The following NMU variants were observed in gnomAD, a reference collection of about 807,000 sequenced individuals.
The protein encoded by NMU is neuromedin U.
Under a neutral mutation model 35.4 loss-of-function variants are expected in NMU, and 29 were observed. That is an observed-to-expected ratio of 0.82 (90% CI 0.61 to 1.12). NMU has a LOEUF of 1.12. Ranked by LOEUF, NMU falls within the 50% of genes most tolerant of loss-of-function variation. NMU has a pLI of 0.00. For missense variants in NMU, 199 were observed against 206.2 expected (o/e 0.97, Z 0.21); for synonymous variants, 78 against 81.3 (o/e 0.96, Z 0.22).
intron 3 of NMU, among the ~76,000 whole-genome samples, chr4:55,615,578 G>A (rs1428273442): frequency 6.6e-6 from 1 of 152,168 alleles, no homozygotes; most frequent in Non-Finnish European, 1.5e-5. Context: ...ACTCAATTGG[G>A]AGATAGGATA....
At chr4:55,627,616 C>T (rs770477726) in intron 2 of NMU, among the ~76,000 whole-genome samples, 5 of 152,224 alleles carry the variant, frequency 3.3e-5, no homozygotes, top group East Asian at 3.9e-4. Context: ...TTTCTAAATA[C>T]TTACAGATTT....
intron 8 of NMU, among the ~76,000 whole-genome samples, chr4:55,600,272 G>C (rs981439197): frequency 6.6e-6 from 1 of 152,086 alleles, no homozygotes; most frequent in African/African-American, 2.4e-5. Context: ...TGGAATTAAA[G>C]TGTCAAATAG....
chr4:55,606,188 C>A lies in NMU; in HGVS notation c.361-839G>T, dbSNP rs80069534. Among the ~76,000 whole-genome samples, 838 of 152,272 alleles carry A rather than the reference C, an allele frequency of 5.5e-3. 12 individuals carry two copies. Among genetic ancestry groups the A allele is most frequent in the African/African-American group, 0.019 (796 of 41,550 alleles). On this transcript the variant is annotated intron_variant, in intron 6 of 9. Coordinates refer to ENST00000264218, the MANE Select transcript of NMU (RefSeq NM_006681.4). ...TGAGTTTAAGATTATAGTTACCTTT[C>A]CATAGGTATATATCTGTTTAAAATA...
intron 2 of NMU, among the ~76,000 whole-genome samples, chr4:55,626,564 G>T (rs569330644): frequency 7.8e-4 from 119 of 152,168 alleles, no homozygotes; most frequent in Middle Eastern, 3.4e-3. Context: ...AAAATTAGCC[G>T]GCCGTGGTGG....
At chr4:55,615,356 T>C (rs1734073693) in intron 3 of NMU, among the ~76,000 whole-genome samples, 1 of 152,228 alleles carries the variant, frequency 6.6e-6, no homozygotes, top group Admixed American at 6.5e-5. Flanking sequence ...CTGTTCTTGC[T>C]TGGTCTCTGC....
chr4:55,596,802 A>G (rs529690581), intron 9 of NMU, among the ~76,000 whole-genome samples: 7 of 152,310 alleles, frequency 4.6e-5, no homozygotes, highest in African/African-American at 1.2e-4. Context: ...ACTACATTAA[A>G]TAAGAAATTA....
chr4:55,596,889 A>C (rs995806412), intron 9 of NMU, among the ~76,000 whole-genome samples: 3 of 152,220 alleles, frequency 2.0e-5, no homozygotes, highest in Non-Finnish European at 4.4e-5. Context: ...CTACTGTACT[A>C]ACTTGGTTTG....
intron 4 of NMU, among the ~76,000 whole-genome samples, 183 bp downstream of exon 4, chr4:55,608,937 A>G (rs1028722750): frequency 6.6e-6 from 1 of 152,218 alleles, no homozygotes; most frequent in African/African-American, 2.4e-5. Flanking sequence ...TGTAAGCTCC[A>G]TTAATATGAT....
At chr4:55,629,333 T>C (rs1734667226) in intron 2 of NMU, among the ~76,000 whole-genome samples, 1 of 151,772 alleles carries the variant, frequency 6.6e-6, no homozygotes, top group Admixed American at 6.6e-5. Context: ...ATTCCTGGGC[T>C]GAAGTGGTCG....
At chr4:55,611,423 T>C (rs1733926204) in intron 3 of NMU, among the ~76,000 whole-genome samples, 1 of 152,100 alleles carries the variant, frequency 6.6e-6, no homozygotes, top group South Asian at 2.1e-4. Context: ...TAAGGTTAAT[T>C]TATTATTGAA....
intron 1 of NMU, among the ~76,000 whole-genome samples, chr4:55,633,819 A>C (rs1291288294): frequency 1.3e-5 from 2 of 152,246 alleles, no homozygotes; most frequent in Non-Finnish European, 2.9e-5. Context: ...CCTGGGCAGG[A>C]AAAGACACTC....
At chr4:55,608,014 A>T (rs1733765416) in intron 4 of NMU, among the ~76,000 whole-genome samples, 1 of 152,066 alleles carries the variant, frequency 6.6e-6, no homozygotes, top group South Asian at 2.1e-4. Flanking sequence ...ACTAAAAAAA[A>T]TACAAAAAAT....
intron 6 of NMU, among the ~76,000 whole-genome samples, chr4:55,607,046 C>T (rs1002791824): frequency 1.3e-5 from 2 of 152,102 alleles, no homozygotes; most frequent in Non-Finnish European, 2.9e-5. Context: ...GTGCCTGGCA[C>T]ATAGCATATA....
At chr4:55,604,027 A>ATATATACACGTGTAT in intron 7 of NMU, among the ~76,000 whole-genome samples, 1 of 29,002 alleles carries the variant, frequency 3.4e-5, no homozygotes, top group African/African-American at 1.0e-4. Flanking sequence ...GTATATATAT[A>ATATATACACGTGTAT]ATCCTAGAAA....
intron 2 of NMU, among the ~76,000 whole-genome samples, chr4:55,619,162 C>A (rs1734259931): frequency 6.6e-6 from 1 of 152,048 alleles, no homozygotes; most frequent in South Asian, 2.1e-4. Flanking sequence ...CAGGGAGGAG[C>A]CAAGATGGCC....
chr4:55,604,679 A>ATTTTTTTTTTTTTTTTTTTT lies in NMU; in HGVS notation c.435+576_435+595dup, dbSNP rs767568542. On this transcript the variant is annotated intron_variant, in intron 7 of 9. Transcript: ENST00000264218. Reference sequence around the variant, plus strand: ...AGGCATGCGCCAATATGCCTGGCTAATTTTTTTTTTTTTTTTTTTTTTTTT... The same window carrying ATTTTTTTTTTTTTTTTTTTT: ...AGGCATGCGCCAATATGCCTGGCTAATTTTTTTTTTTTTTTTTTTTTTTTTTTTTTTTTTTTTTTTTTTTT... 2.6e-3 allele frequency among the ~76,000 whole-genome samples: 124 copies of ATTTTTTTTTTTTTTTTTTTT among 47,614 alleles called. 10 individuals carry two copies. The highest frequency in any genetic ancestry group is 5.0e-3 in the African/African-American group (43 of 8,584). 31.2% of individuals were successfully genotyped at this position (47,614 alleles called of 152,430 possible).
intron 7 of NMU, among the ~76,000 whole-genome samples, chr4:55,605,049 T>A (rs1733622361): frequency 6.6e-6 from 1 of 152,142 alleles, no homozygotes; most frequent in African/African-American, 2.4e-5. Flanking sequence ...TTCCTCAATG[T>A]CCACAGCTTC....
chr4:55,629,533 C>T (rs1033317483), intron 2 of NMU, among the ~76,000 whole-genome samples: 4 of 146,230 alleles, frequency 2.7e-5, no homozygotes, highest in African/African-American at 5.1e-5. Context: ...GTGGGAGAAT[C>T]GCTTGAACCC....
At chr4:55,596,388 C>T (rs558934659) in intron 9 of NMU, among the ~76,000 whole-genome samples, 2 of 148,500 alleles carry the variant, frequency 1.3e-5, no homozygotes, top group Non-Finnish European at 3.0e-5. Flanking sequence ...ACTAAATTCA[C>T]CAAATCATGG....
Sources: gnomAD v4.1 joint callset for allele counts (sites outside exome capture counted in the v4.1 genomes callset) on GRCh38, gnomAD v4.1.1 for gene constraint, MANE v1.5 for transcripts, NCBI Gene and HGNC (gene_info 2026-07-23, HGNC 2026-07-21) for gene names.